The following MCTP2 variants were observed in gnomAD, a reference collection of about 807,000 sequenced individuals.
MCTP2 encodes the protein multiple C2 and transmembrane domain containing 2.
A neutral mutation model predicts 111.6 loss-of-function variants in MCTP2; 132 were observed. The observed-to-expected ratio is 1.18, with a 90% CI of 1.03 to 1.37. MCTP2 has a LOEUF of 1.37. Among genes scored for constraint, MCTP2 ranks in the 40% most tolerant of loss-of-function variants. The probability of loss-of-function intolerance (pLI) is 0.00; values close to 1 mark genes in which losing one functional copy is unlikely to be tolerated. For synonymous variants in MCTP2, 395 were observed against 387.7 expected, an observed-to-expected ratio of 1.02 and a Z score of -0.22; for missense variants, 1,183 against 1,067.9, an observed-to-expected ratio of 1.11 and a Z score of -1.50.
intron 17 of MCTP2, among the ~76,000 whole-genome samples, chr15:94,417,038 T>C (rs1185814529): frequency 2.6e-5 from 4 of 152,188 alleles, no homozygotes. Context: ...GGGGCTGCTA[T>C]GAAAGTGTGA....
chr15:94,362,345 G>T (rs1385681905), intron 10 of MCTP2, among the ~76,000 whole-genome samples: 1 of 152,042 alleles, frequency 6.6e-6, no homozygotes, highest in Non-Finnish European at 1.5e-5. Context: ...TATTTCAAGG[G>T]GATTCTACAG....
chr15:94,363,183 A>T (rs917551592), intron 10 of MCTP2, among the ~76,000 whole-genome samples: 1 of 152,166 alleles, frequency 6.6e-6, no homozygotes, highest in Non-Finnish European at 1.5e-5. Context: ...CGTTCAGTGT[A>T]TTCAAATCTT....
intron 12 of MCTP2, among the ~76,000 whole-genome samples, chr15:94,380,304 C>T (rs2080060748): frequency 6.6e-6 from 1 of 152,052 alleles, no homozygotes. Flanking sequence ...ATGGAAACAA[C>T]TCAGTTTGCT....
rs536270811 is a variant in MCTP2 at position 94,358,552 on chromosome 15, G to T, written c.1241G>T (p.Gly414Val). 1.2e-6 allele frequency: 2 copies of T among 1,613,824 alleles called. No homozygotes were observed. Among genetic ancestry groups the T allele is most frequent in the South Asian group, 2.2e-5 (2 of 91,080 alleles). ...TTTCACTACTTCTCTGACAGGATGGGCATTTTGGACATTGAAGTGTGGGGA... is the reference window on the plus strand; with the variant it reads ...TTTCACTACTTCTCTGACAGGATGGTCATTTTGGACATTGAAGTGTGGGGA... Reference protein sequence around the residue: ...FDFHYFSDRMGILDIEVWGKD... With the variant: ...FDFHYFSDRMVILDIEVWGKD... The change falls in exon 10 of 23, where the codon GGC (glycine) becomes GTC (valine). Residue 414 changes from glycine to valine, a missense_variant. Physicochemically the swap from Gly to Val is moderately radical, Grantham distance 109. Coordinates refer to ENST00000357742, the MANE Select transcript of MCTP2 (RefSeq NM_001385001.1).
intron 10 of MCTP2, among the ~76,000 whole-genome samples, chr15:94,359,516 G>A (rs566908653): frequency 6.6e-6 from 1 of 152,252 alleles, no homozygotes; most frequent in South Asian, 2.1e-4. Context: ...TGGGTTCAGG[G>A]AGATGCCTTA....
intron 22 of MCTP2, among the ~76,000 whole-genome samples, chr15:94,478,074 G>A (rs1234798850): frequency 6.6e-6 from 1 of 152,198 alleles, no homozygotes; most frequent in Non-Finnish European, 1.5e-5. Context: ...GGGAGCACAT[G>A]TGGTCTGTAA....
chr15:94,449,774 C>T lies in MCTP2; in HGVS notation c.2250+6814C>T, dbSNP rs551540375. Among the ~76,000 whole-genome samples, 4 of 152,220 alleles carry T rather than the reference C, an allele frequency of 2.6e-5. No individual in the cohort carries two copies. The South Asian group carries it at 8.3e-4, about 32-fold the overall frequency. On this transcript the variant is annotated intron_variant, in intron 19 of 22. Transcript: ENST00000357742. The stretch of plus-strand genomic sequence containing the variant: ...TTGCTGAATCACACAAATATTTTAT[C>T]TTATACCCACTCCTTTATTGTACCT...
intron 17 of MCTP2, among the ~76,000 whole-genome samples, chr15:94,437,452 T>TA (rs2083541641): frequency 1.3e-5 from 2 of 151,670 alleles, no homozygotes; most frequent in Admixed American, 1.3e-4. Flanking sequence ...CCAAGTTACT[T>TA]AAAAAAAATG....
intron 2 of MCTP2, 24 bp from the exon 3 acceptor site, chr15:94,314,258 A>ATT: frequency 1.3e-6 from 2 of 1,565,684 alleles, no homozygotes; most frequent in Non-Finnish European, 1.7e-6. Context: ...TGTAAAGCAG[A>ATT]TTTTTTTTTC....
chr15:94,256,865 T>C (rs529848292), intron 1 of MCTP2, among the ~76,000 whole-genome samples: 1 of 152,312 alleles, frequency 6.6e-6, no homozygotes, highest in Admixed American at 6.5e-5. Context: ...CTGGTCTTCT[T>C]CCTTGGACTC....
chr15:94,340,525 G>A (rs1040471756), intron 6 of MCTP2, among the ~76,000 whole-genome samples: 3 of 152,066 alleles, frequency 2.0e-5, no homozygotes, highest in African/African-American at 7.2e-5. Context: ...ACTTTGATTT[G>A]TTAATATTCA....
At chr15:94,271,130 CGA>C (rs781190281) in intron 1 of MCTP2, among the ~76,000 whole-genome samples, 4 of 152,106 alleles carry the variant, frequency 2.6e-5, no homozygotes, top group Non-Finnish European at 4.4e-5. Flanking sequence ...GTATGTGAGA[CGA>C]GAGTGTGTGT....
intron 16 of MCTP2, among the ~76,000 whole-genome samples, chr15:94,401,403 A>T (rs1197499401): frequency 6.6e-6 from 1 of 152,220 alleles, no homozygotes; most frequent in African/African-American, 2.4e-5. Context: ...ATCCCTTCCC[A>T]GAACTCTGTA....
At chr15:94,412,531 G>C (rs1448995726) in intron 17 of MCTP2, among the ~76,000 whole-genome samples, 3 of 151,748 alleles carry the variant, frequency 2.0e-5, no homozygotes, top group African/African-American at 7.2e-5. Flanking sequence ...TGATGACAAG[G>C]ATGATGATGA....
At chr15:94,363,769 T>G (rs1448403827) in intron 10 of MCTP2, among the ~76,000 whole-genome samples, 3 of 152,118 alleles carry the variant, frequency 2.0e-5, no homozygotes, top group African/African-American at 7.2e-5. Context: ...GAATAAAAAT[T>G]TCCTGGTCAC....
intron 4 of MCTP2, among the ~76,000 whole-genome samples, chr15:94,335,398 C>T (rs2077314789): frequency 6.6e-6 from 1 of 152,306 alleles, no homozygotes; most frequent in Non-Finnish European, 1.5e-5. Context: ...GTAAATACAA[C>T]TTAGGTAAAT....
At chr15:94,436,652 C>G (rs1220955935) in intron 17 of MCTP2, among the ~76,000 whole-genome samples, 1 of 152,120 alleles carries the variant, frequency 6.6e-6, no homozygotes, top group African/African-American at 2.4e-5. Context: ...CTCCTTAATA[C>G]TGGTGGTTGT....
At chr15:94,259,480 C>T (rs1389376287) in intron 1 of MCTP2, among the ~76,000 whole-genome samples, 3 of 152,154 alleles carry the variant, frequency 2.0e-5, no homozygotes, top group African/African-American at 2.4e-5. Flanking sequence ...TTGTAAGAAT[C>T]CTTACCAGGG....
chr15:94,432,156 C>G (rs1212750261), intron 17 of MCTP2, among the ~76,000 whole-genome samples: 2 of 152,042 alleles, frequency 1.3e-5, no homozygotes, highest in Non-Finnish European at 2.9e-5. Context: ...CAGTTTTAAC[C>G]CAGGAGTTTA....
Sources: gnomAD v4.1 joint callset for allele counts (sites outside exome capture counted in the v4.1 genomes callset) on GRCh38, gnomAD v4.1.1 for gene constraint, MANE v1.5 for transcripts, NCBI Gene and HGNC (gene_info 2026-07-23, HGNC 2026-07-21) for gene names.